Variants in LHFPL3 observed in about 807,000 individuals in gnomAD.
The protein encoded by LHFPL3 is LHFPL tetraspan subfamily member 3.
Under a neutral mutation model 19.3 loss-of-function variants are expected in LHFPL3, and 5 were observed. The observed-to-expected ratio is 0.26, with a 90% CI of 0.14 to 0.54. LHFPL3 has a LOEUF of 0.54. LHFPL3 is among the 20% of genes least tolerant of loss of function. LHFPL3 has a pLI of 0.94. For missense variants in LHFPL3, 249 were observed against 307.4 expected, an observed-to-expected ratio of 0.81 and a Z score of 1.42; for synonymous variants, 133 against 126.2, an observed-to-expected ratio of 1.05 and a Z score of -0.36.
intron 2 of LHFPL3, among the ~76,000 whole-genome samples, chr7:104,744,519 GTTAA>G (rs1480459488): frequency 6.6e-6 from 1 of 152,174 alleles, no homozygotes; most frequent in Admixed American, 6.5e-5. Context: ...AAGGGCTCAA[GTTAA>G]TCTGAGAGTT....
At chr7:104,359,141 T>C (rs1790341654) in intron 1 of LHFPL3, among the ~76,000 whole-genome samples, 1 of 152,230 alleles carries the variant, frequency 6.6e-6, no homozygotes, top group Admixed American at 6.5e-5. Flanking sequence ...CGCCTATGCT[T>C]CTTCCTTGTC....
chr7:104,462,957 G>A (rs767590852), intron 1 of LHFPL3, among the ~76,000 whole-genome samples: 1 of 152,106 alleles, frequency 6.6e-6, no homozygotes, highest in African/African-American at 2.4e-5. Flanking sequence ...TTTCTTCCCA[G>A]TTCAGTCTTT....
intron 2 of LHFPL3, among the ~76,000 whole-genome samples, chr7:104,790,476 G>A (rs1790004463): frequency 6.6e-6 from 1 of 151,580 alleles, no homozygotes; most frequent in South Asian, 2.1e-4. Context: ...ACTTTTTTTT[G>A]GTACCATCCA....
chr7:104,691,680 T>G (rs998755516), intron 1 of LHFPL3, among the ~76,000 whole-genome samples: 1 of 152,226 alleles, frequency 6.6e-6, no homozygotes, highest in African/African-American at 2.4e-5. Context: ...AAGAAATTTA[T>G]GGAAGAGGTA....
At chr7:104,612,676 C>A (rs944235203) in intron 1 of LHFPL3, among the ~76,000 whole-genome samples, 1 of 152,172 alleles carries the variant, frequency 6.6e-6, no homozygotes, top group African/African-American at 2.4e-5. Flanking sequence ...GGTGCTGAAA[C>A]CTAAACCTTC....
At chr7:104,574,746 T>C (rs1790290978) in intron 1 of LHFPL3, among the ~76,000 whole-genome samples, 1 of 152,216 alleles carries the variant, frequency 6.6e-6, no homozygotes, top group African/African-American at 2.4e-5. Flanking sequence ...TATTTAAGAA[T>C]TTATGTATTT....
chr7:104,746,721 A>T (rs1378623592), intron 2 of LHFPL3, among the ~76,000 whole-genome samples: 1 of 152,234 alleles, frequency 6.6e-6, no homozygotes, highest in African/African-American at 2.4e-5. Flanking sequence ...AAGGGCATTA[A>T]TAGAACCTGC....
chr7:104,654,856 G>A (rs1313613818), intron 1 of LHFPL3, among the ~76,000 whole-genome samples: 4 of 152,122 alleles, frequency 2.6e-5, no homozygotes, highest in Non-Finnish European at 5.9e-5. Flanking sequence ...CTCTAGTGTA[G>A]GTTGTACACC....
intron 1 of LHFPL3, among the ~76,000 whole-genome samples, chr7:104,597,874 T>C (rs949659246): frequency 6.6e-6 from 1 of 152,170 alleles, no homozygotes; most frequent in Non-Finnish European, 1.5e-5. Context: ...ATATAACATA[T>C]CTAAACAGGA....
chr7:104,668,989 C>T (rs776267134), intron 1 of LHFPL3: 35 of 1,612,038 alleles, frequency 2.2e-5, no homozygotes, highest in Admixed American at 5.0e-5. Context: ...GGAACGGGAA[C>T]GGTCGAGGAC....
intron 1 of LHFPL3, among the ~76,000 whole-genome samples, chr7:104,571,153 T>C (rs1790223357): frequency 6.6e-6 from 1 of 152,342 alleles, no homozygotes; most frequent in African/African-American, 2.4e-5. Context: ...AACCCTTGCA[T>C]CAACTTTACC....
intron 1 of LHFPL3, among the ~76,000 whole-genome samples, chr7:104,614,661 T>TCTCCTCTCCTCTCCTC (rs1276426420): frequency 1.2e-5 from 1 of 82,396 alleles, no homozygotes; most frequent in Admixed American, 1.4e-4. Flanking sequence ...CTCTCCTTCC[T>TCTCCTCTCCTCTCCTC]TCCTTCCTTC....
intron 1 of LHFPL3, among the ~76,000 whole-genome samples, chr7:104,541,805 G>C (rs1053459272): frequency 6.6e-6 from 1 of 152,010 alleles, no homozygotes; most frequent in African/African-American, 2.4e-5. Flanking sequence ...AGTCCGGATG[G>C]TATTTGAAAC....
At chr7:104,376,928 T>A (rs1310159590) in intron 1 of LHFPL3, among the ~76,000 whole-genome samples, 1 of 152,236 alleles carries the variant, frequency 6.6e-6, no homozygotes, top group African/African-American at 2.4e-5. Context: ...TGCTACATAG[T>A]ATCCCTGGGT....
chr7:104,649,532 C>T (rs1302258175), intron 1 of LHFPL3, among the ~76,000 whole-genome samples: 3 of 152,130 alleles, frequency 2.0e-5, no homozygotes, highest in Non-Finnish European at 4.4e-5. Flanking sequence ...ATATTAGCTC[C>T]TAGGAAGATA....
intron 1 of LHFPL3, among the ~76,000 whole-genome samples, chr7:104,593,344 T>C (rs12047911): frequency 2.0e-4 from 31 of 152,222 alleles, no homozygotes; most frequent in South Asian, 1.2e-3. Flanking sequence ...TGTAGTTGAG[T>C]GGTTTTGAGT....
rs147272798 is a variant in LHFPL3, at chr7:104,406,777, C to T, written c.445+77553C>T. On this transcript the variant is annotated intron_variant, in intron 1 of 2. Coordinates refer to ENST00000424859, the MANE Select transcript of LHFPL3 (RefSeq NM_199000.3). Reference sequence around the variant, plus strand: ...GGTATTCACTGATCTCTTCTTGGGGCCAAAAGCAATGGCCTCAAACCAGTG... The same window carrying T: ...GGTATTCACTGATCTCTTCTTGGGGTCAAAAGCAATGGCCTCAAACCAGTG... 2.6e-5 allele frequency among the ~76,000 whole-genome samples: 4 copies of T among 152,280 alleles called. No homozygotes were observed. The East Asian group carries it at 5.8e-4, about 22-fold the overall frequency.
chr7:104,753,557 A>T (rs1039216224), intron 2 of LHFPL3, among the ~76,000 whole-genome samples: 1 of 152,196 alleles, frequency 6.6e-6, no homozygotes, highest in African/African-American at 2.4e-5. Context: ...TAAGGCAAAA[A>T]TATATATTAA....
At chr7:104,582,950 T>G (rs371383874) in intron 1 of LHFPL3, among the ~76,000 whole-genome samples, 1 of 152,026 alleles carries the variant, frequency 6.6e-6, no homozygotes, top group East Asian at 1.9e-4. Context: ...AGTATCTGAA[T>G]AGATGAGGTT....
Sources: gnomAD v4.1 joint callset for allele counts (sites outside exome capture counted in the v4.1 genomes callset) on GRCh38, gnomAD v4.1.1 for gene constraint, MANE v1.5 for transcripts, NCBI Gene and HGNC (gene_info 2026-07-23, HGNC 2026-07-21) for gene names.